USP38: variants seen among roughly 807,000 people sequenced by gnomAD.
USP38 encodes the protein ubiquitin carboxyl-terminal hydrolase 38.
A neutral mutation model predicts 94.3 loss-of-function variants in USP38; 49 were observed. That is an observed-to-expected ratio of 0.52 (90% confidence interval 0.41 to 0.66). The LOEUF is 0.66. Ranked by LOEUF, USP38 falls within the 30% of genes least tolerant of loss-of-function variation. The pLI is 0.00. For missense variants in USP38, 1,128 were observed against 1,229.4 expected, an observed-to-expected ratio of 0.92 and a Z score of 1.23; for synonymous variants, 468 against 463.6, an observed-to-expected ratio of 1.01 and a Z score of -0.12.
In USP38 at chr4:143,213,988, C is replaced by CA; in HGVS notation, c.2013dup (p.Leu672ThrfsTer4). Reference sequence around the variant, plus strand: ...ACAACAGCTGCCTTCATCTGTGACTCACTTGTGAATGAAAAAACCATAGGC... The same window carrying CA: ...ACAACAGCTGCCTTCATCTGTGACTCAACTTGTGAATGAAAAAACCATAGGC... On this transcript the variant is annotated frameshift_variant, in exon 9 of 10. Coordinates refer to ENST00000307017, the MANE Select transcript of USP38 (RefSeq NM_032557.6). LOFTEE classifies it high-confidence loss of function. The CA allele has an allele frequency of 6.2e-7, 1 of 1,613,606 alleles. No homozygotes were observed. Among genetic ancestry groups the CA allele is most frequent in the Non-Finnish European group, 8.5e-7 (1 of 1,179,826 alleles).
At chr4:143,204,732 T>C (rs1271940481) in intron 5 of USP38, among the ~76,000 whole-genome samples, 2 of 152,090 alleles carry the variant, frequency 1.3e-5, no homozygotes, top group African/African-American at 4.8e-5. Context: ...AAACATACTT[T>C]CCTCTCAGTA....
chr4:143,188,986 T>TG (rs1731313234), intron 2 of USP38, among the ~76,000 whole-genome samples: 1 of 151,850 alleles, frequency 6.6e-6, no homozygotes, highest in Non-Finnish European at 1.5e-5. Flanking sequence ...TTAAATATGA[T>TG]AAGTAAAATA....
chr4:143,204,523 G>T, intron 5 of USP38: 1 of 403,122 alleles, frequency 2.5e-6, no homozygotes. Context: ...CCAAGTAGCT[G>T]GGACTCCAGG....
chr4:143,212,296 T>G (rs1408272251), intron 7 of USP38, 22 bp from the exon 8 acceptor site: 1 of 1,571,220 alleles, frequency 6.4e-7, no homozygotes, highest in South Asian at 1.1e-5. Flanking sequence ...CTTCCTTATA[T>G]TTTCTCAATT....
intron 2 of USP38, among the ~76,000 whole-genome samples, chr4:143,188,323 T>C (rs1040514482): frequency 3.9e-5 from 6 of 152,156 alleles, no homozygotes; most frequent in African/African-American, 1.4e-4. Flanking sequence ...GTATATACTT[T>C]ACTTTCTCTT....
At position 143,185,386 on chromosome 4, in the gene USP38, C is replaced by T. The variant is rs1191789109; in HGVS notation, c.-65C>T. On this transcript the variant is annotated 5_prime_UTR_variant, in exon 1 of 10. Transcript: ENST00000307017. Reference sequence around the variant, plus strand: ...TCATCTCCGCCCCGGGGCTCTCCTGCCCCACCTCGGGGCTGCCGCCACCCG... The same window carrying T: ...TCATCTCCGCCCCGGGGCTCTCCTGTCCCACCTCGGGGCTGCCGCCACCCG... 6.7e-7 allele frequency: 1 copy of T among 1,503,316 alleles called. No individual in the cohort carries two copies. The highest frequency in any genetic ancestry group is 1.4e-5 in the African/African-American group (1 of 71,552). 93.1% of individuals were successfully genotyped at this position (1,503,316 alleles called of 1,614,324 possible). A position where few individuals can be genotyped will look rare whatever the true frequency, so the allele number is the denominator to read the frequency against.
intron 9 of USP38, among the ~76,000 whole-genome samples, chr4:143,215,934 C>G (rs1020779530): frequency 1.3e-5 from 2 of 152,110 alleles, no homozygotes; most frequent in Non-Finnish European, 2.9e-5. Context: ...TGATTAACTA[C>G]TGAAGACTCT....
chr4:143,214,597 T>G lies in USP38; in HGVS notation c.2621T>G (p.Met874Arg), dbSNP rs532137908. ...NITSTDSSYQ[M>R]YHQSEALALA... ...ACAAGTACAGACTCTTCATATCAGA[T>G]GTACCACCAGTCTGAGGCTCTGGCA... The change falls in exon 9 of 10, where the codon ATG (methionine) becomes AGG (arginine). Residue 874 changes from methionine (M) to arginine (R), a missense_variant. Transcript: ENST00000307017. 25 of 1,613,656 alleles carry G rather than the reference T, an allele frequency of 1.5e-5. No individual in the cohort carries two copies. The South Asian group carries it at 2.6e-4, about 17-fold the overall frequency.
chr4:143,189,322 G>C (rs1005017813), intron 2 of USP38, among the ~76,000 whole-genome samples: 8 of 151,836 alleles, frequency 5.3e-5, no homozygotes, highest in African/African-American at 1.9e-4. Context: ...TTTTGTGTCT[G>C]TCTGTTCTTA....
chr4:143,220,715 C>A lies in USP38; in HGVS notation c.*259C>A, dbSNP rs545267432. On this transcript the variant is annotated 3_prime_UTR_variant, in exon 10 of 10. Coordinates refer to ENST00000307017, the MANE Select transcript of USP38 (RefSeq NM_032557.6). ...AAAAATGTTCAGAAGAAAATATGTA[C>A]CTGGTCCCTAATTAAGCTGCGTTAA... The A allele has an allele frequency of 1.8e-4, 49 of 274,990 alleles. No homozygotes were observed. The South Asian group carries it at 7.5e-3, about 42-fold the overall frequency. The allele number at this position is 274,990 out of a possible 1,614,324, so 17.0% of individuals were successfully genotyped here. A position where few individuals can be genotyped will look rare whatever the true frequency, so the allele number is the denominator to read the frequency against.
intron 9 of USP38, among the ~76,000 whole-genome samples, chr4:143,216,844 T>A (rs1732198131): frequency 6.6e-6 from 1 of 152,136 alleles, no homozygotes; most frequent in Non-Finnish European, 1.5e-5. Context: ...AGAGTCTCGC[T>A]CTGTCACCCA....
chr4:143,199,422 T>C (rs934164046), intron 4 of USP38, among the ~76,000 whole-genome samples: 1 of 152,188 alleles, frequency 6.6e-6, no homozygotes, highest in African/African-American at 2.4e-5. Context: ...TCTTTGCTAT[T>C]GTGAATAATG....
intron 6 of USP38, among the ~76,000 whole-genome samples, chr4:143,208,315 A>G (rs1731928712): frequency 6.6e-6 from 1 of 152,096 alleles, no homozygotes; most frequent in Non-Finnish European, 1.5e-5. Flanking sequence ...GATGAATATT[A>G]GGTTGTTTTG....
At position 143,213,922 on chromosome 4, in the gene USP38, CTG is replaced by C. The variant is rs1282995659; in HGVS notation, c.1948_1949del (p.Val650ThrfsTer11). On this transcript the variant is annotated frameshift_variant, in exon 9 of 10. Coordinates refer to ENST00000307017, the MANE Select transcript of USP38 (RefSeq NM_032557.6). LOFTEE classifies it high-confidence loss of function. ...CAAGATGGTGGTCTAATGCAAGCCT[CTG>C]TACCCGGTCCTTCAGAAGAACCAGT... 1.2e-6 allele frequency: 2 copies of C among 1,613,730 alleles called. No homozygotes were observed. The highest frequency in any genetic ancestry group is 2.7e-5 in the African/African-American group (2 of 74,906).
At chr4:143,210,075 C>T (rs1731981441) in intron 7 of USP38, among the ~76,000 whole-genome samples, 1 of 152,030 alleles carries the variant, frequency 6.6e-6, no homozygotes, top group African/African-American at 2.4e-5. Context: ...GCTTTTTTCT[C>T]TTTTCTTATG....
At position 143,222,858 on chromosome 4, in the gene USP38, C is replaced by A. The variant is rs949135415; in HGVS notation, c.*2402C>A. 1 of 152,054 alleles carries A rather than the reference C, an allele frequency of 6.6e-6. No individual in the cohort carries two copies. Among genetic ancestry groups the A allele is most frequent in the Non-Finnish European group, 1.5e-5 (1 of 67,970 alleles). 9.4% of individuals were successfully genotyped at this position (152,054 alleles called of 1,614,324 possible). A position where few individuals can be genotyped will look rare whatever the true frequency, so the allele number is the denominator to read the frequency against. ...ATTTGTCATATTAGGTCTTTTCTTT[C>A]TCCCATATTCCTAACCCGTGTACTA... On this transcript the variant is annotated 3_prime_UTR_variant, in exon 10 of 10. Coordinates refer to ENST00000307017, the MANE Select transcript of USP38 (RefSeq NM_032557.6).
At chr4:143,204,218 A>C (rs1731796889) in intron 5 of USP38, among the ~76,000 whole-genome samples, 1 of 152,012 alleles carries the variant, frequency 6.6e-6, no homozygotes, top group Admixed American at 6.6e-5. Flanking sequence ...GACCTCAAGT[A>C]ATCTGCCTGC....
chr4:143,192,544 A>C (rs1192190350), intron 2 of USP38, among the ~76,000 whole-genome samples: 2 of 126,418 alleles, frequency 1.6e-5, no homozygotes, highest in Non-Finnish European at 3.2e-5. Context: ...ATCAGATCCC[A>C]TATTACTTTT....
intron 4 of USP38, among the ~76,000 whole-genome samples, chr4:143,199,630 C>A (rs967894889): frequency 2.0e-5 from 3 of 152,046 alleles, no homozygotes; most frequent in Admixed American, 1.3e-4. Context: ...TTTTTTTGAA[C>A]CTCACCAGCA....
Sources: allele counts gnomAD v4.1 joint callset (sites outside exome capture counted in the v4.1 genomes callset), GRCh38; gene constraint gnomAD v4.1.1; transcripts MANE v1.5; gene names NCBI Gene and HGNC (gene_info 2026-07-23, HGNC 2026-07-21).